The following DNAH7 variants were observed in gnomAD, a reference collection of about 807,000 sequenced individuals.
The protein encoded by DNAH7 is dynein axonemal heavy chain 7.
In DNAH7, 397 loss-of-function variants were observed where a neutral mutation model predicts 444.6. That is an observed-to-expected ratio of 0.89 (90% CI 0.82 to 0.97). The LOEUF (loss-of-function observed/expected upper bound fraction) is 0.97, where lower values mean the gene tolerates loss of function less well. Among genes scored for constraint, DNAH7 ranks in the 50% least tolerant of loss-of-function variants. DNAH7 has a pLI of 0.00. For missense variants in DNAH7, 4,902 were observed against 4,800.8 expected (o/e 1.02, Z -0.62); for synonymous variants, 1,636 against 1,624.4 (o/e 1.01, Z -0.17).
intron 63 of DNAH7, among the ~76,000 whole-genome samples, chr2:195,749,840 G>C (rs559150307): frequency 1.4e-5 from 2 of 143,896 alleles, no homozygotes; most frequent in East Asian, 2.2e-4. Flanking sequence ...TGTGGGGAAG[G>C]GGGAGGGGGG....
At chr2:196,031,692 G>A (rs986725032) in intron 5 of DNAH7, among the ~76,000 whole-genome samples, 6 of 152,180 alleles carry the variant, frequency 3.9e-5, no homozygotes, top group Non-Finnish European at 5.9e-5. Context: ...AATGCCACCA[G>A]TCTCTTTGCT....
intron 48 of DNAH7, 22 bp from the exon 49 acceptor site, chr2:195,824,467 T>C (rs745338087): frequency 2.9e-5 from 45 of 1,563,688 alleles, no homozygotes; most frequent in Non-Finnish European, 3.9e-5. Flanking sequence ...TCAGAAAAGA[T>C]TTCATGTTAT....
Position 195,794,213 on chromosome 2 carries a change from T to C in DNAH7, c.10716+125A>G, listed in dbSNP as rs1289224368. 8 of 774,650 alleles carry C rather than the reference T, an allele frequency of 1.0e-5. No individual in the cohort carries two copies. In the East Asian group the frequency reaches 2.0e-4, roughly 19 times the overall value. The allele number at this position is 774,650 out of a possible 1,614,324, so 48.0% of individuals were successfully genotyped here. ...CAGTCAATAATCAGTTATCAAAACC[T>C]ACTGCACTGCGGTGCAGGAGGCCTA... On this transcript the variant is annotated intron_variant, in intron 57 of 64. Coordinates refer to ENST00000312428, the MANE Select transcript of DNAH7 (RefSeq NM_018897.3).
Position 195,852,913 on chromosome 2 carries a change from CACAGAGAGAGAG to C in DNAH7, c.8781+418_8781+429del, listed in dbSNP as rs1405370066. On this transcript the variant is annotated intron_variant, in intron 46 of 64. Coordinates refer to ENST00000312428, the MANE Select transcript of DNAH7 (RefSeq NM_018897.3). ...AAGTACACACACACACACACACACACACAGAGAGAGAGAGAGAGAGAGAGAGAGAGAGAGACA... is the reference window on the plus strand; with the variant it reads ...AAGTACACACACACACACACACACACAGAGAGAGAGAGAGAGAGAGAGACA... Among the ~76,000 whole-genome samples the C allele has an allele frequency of 7.2e-3, 972 of 134,684 alleles. 6 individuals carry two copies. The highest frequency in any genetic ancestry group is 0.028 in the African/African-American group (907 of 32,844). 88.4% of individuals were successfully genotyped at this position (134,684 alleles called of 152,430 possible).
At chr2:195,848,049 C>T (rs192697076) in intron 46 of DNAH7, among the ~76,000 whole-genome samples, 15 of 152,226 alleles carry the variant, frequency 9.9e-5, no homozygotes, top group African/African-American at 3.4e-4. Flanking sequence ...AGGAGTTAGA[C>T]GAAGGCAAGG....
At chr2:195,964,526 G>GTT (rs34416268) in intron 17 of DNAH7, among the ~76,000 whole-genome samples, 122 of 119,062 alleles carry the variant, frequency 1.0e-3, no homozygotes, top group African/African-American at 3.7e-3. Context: ...AGTTCTAATA[G>GTT]TTTTTTTTTT....
At chr2:195,889,026 T>C (rs910425908) in intron 31 of DNAH7, 45 bp from the exon 32 acceptor site, 22 of 1,510,324 alleles carry the variant, frequency 1.5e-5, no homozygotes, top group Non-Finnish European at 2.0e-5. Flanking sequence ...GTAATGATGA[T>C]AATATAAAGA....
intron 12 of DNAH7, among the ~76,000 whole-genome samples, chr2:195,997,213 T>C (rs1439509885): frequency 6.6e-6 from 1 of 152,088 alleles, no homozygotes; most frequent in Non-Finnish European, 1.5e-5. Context: ...AAAACTATAT[T>C]AGAAAGTATA....
intron 40 of DNAH7, 23 bp from the exon 41 acceptor site, chr2:195,865,044 C>T: frequency 1.3e-6 from 2 of 1,529,788 alleles, no homozygotes; most frequent in Non-Finnish European, 1.7e-6. Context: ...TAAAAAGCAG[C>T]TTTAGAAACT....
At chr2:196,054,698 A>G (rs973093690) in intron 2 of DNAH7, among the ~76,000 whole-genome samples, 2 of 151,926 alleles carry the variant, frequency 1.3e-5, no homozygotes, top group Non-Finnish European at 2.9e-5. Context: ...CATAATCCCT[A>G]TGTGTCATGG....
intron 19 of DNAH7, among the ~76,000 whole-genome samples, chr2:195,950,869 A>AAAAG (rs1690197118): frequency 1.4e-5 from 2 of 142,590 alleles, no homozygotes; most frequent in African/African-American, 5.4e-5. Context: ...AAAAAAAAAA[A>AAAAG]AAAAAAAAAA....
rs1473937459 is a variant in DNAH7, at chr2:195,861,728, T to C, written c.7725A>G (p.Glu2575=). ...ELISTFKLLL[E]KKRSEVMKMK... ...AATTTGATTTTTACCTTCTTTTCTT[T>C]TCTAACAACAGTTTGAAGGTGGAGA... Residue 2575 remains glutamate (E), a synonymous_variant, in exon 42 of 65, where the codon GAA becomes GAG. Coordinates refer to ENST00000312428, the MANE Select transcript of DNAH7 (RefSeq NM_018897.3). The C allele has an allele frequency of 4.4e-6, 7 of 1,607,526 alleles. No homozygotes were observed. Among genetic ancestry groups the C allele is most frequent in the Admixed American group, 1.7e-5 (1 of 59,240 alleles).
At chr2:195,889,905 A>T (rs1476298371) in intron 31 of DNAH7, among the ~76,000 whole-genome samples, 1 of 152,210 alleles carries the variant, frequency 6.6e-6, no homozygotes, top group African/African-American at 2.4e-5. Flanking sequence ...ACAATGATAT[A>T]ATAAATATGA....
At chr2:195,808,912 G>A (rs751104020) in intron 52 of DNAH7, 36 bp from the exon 53 acceptor site, 35 of 1,575,888 alleles carry the variant, frequency 2.2e-5, no homozygotes, top group East Asian at 4.5e-5. Context: ...AGTCAGAAAC[G>A]AGTTCATCAT....
At chr2:195,766,001 A>C (rs1031781202) in intron 61 of DNAH7, among the ~76,000 whole-genome samples, 16 of 152,074 alleles carry the variant, frequency 1.1e-4, no homozygotes, top group African/African-American at 3.9e-4. Context: ...GAACAGATGA[A>C]GAAAACGTGG....
chr2:195,926,665 T>C (rs1688356936), intron 21 of DNAH7, 99 bp from the exon 22 acceptor site: 1 of 1,083,814 alleles, frequency 9.2e-7, no homozygotes, highest in African/African-American at 1.6e-5. Context: ...GCTCAATTTT[T>C]TACAACATTC....
At chr2:195,883,702 A>G (rs1701552136) in intron 35 of DNAH7, among the ~76,000 whole-genome samples, 1 of 152,224 alleles carries the variant, frequency 6.6e-6, no homozygotes, top group African/African-American at 2.4e-5. Context: ...TAAATAAAGT[A>G]AAAATATCTG....
rs118174349 is a variant in DNAH7 at position 196,020,562 on chromosome 2, A to C, written c.744-1267T>G. ...CCTAGAGGATATGGAAAATGGGTAC[A>C]TAACTTTTTTTGTGTGTGTGTGTGG... On this transcript the variant is annotated intron_variant, in intron 8 of 64. Coordinates refer to ENST00000312428, the MANE Select transcript of DNAH7 (RefSeq NM_018897.3). 0.02 allele frequency among the ~76,000 whole-genome samples: 2,963 copies of C among 151,112 alleles called. 251 individuals are homozygous for C. The East Asian group carries it at 0.27, about 14-fold the overall frequency.
intron 24 of DNAH7, among the ~76,000 whole-genome samples, chr2:195,913,302 TA>T: frequency 6.6e-6 from 1 of 152,146 alleles, no homozygotes; most frequent in Non-Finnish European, 1.5e-5. Context: ...AGATATTTAT[TA>T]ACTTTAGGCT....
Sources: allele counts gnomAD v4.1 joint callset (sites outside exome capture counted in the v4.1 genomes callset), GRCh38; gene constraint gnomAD v4.1.1; transcripts MANE v1.5; gene names NCBI Gene and HGNC (gene_info 2026-07-23, HGNC 2026-07-21).